The following LGMN variants were observed in gnomAD, a reference collection of about 807,000 sequenced individuals.
LGMN encodes the protein legumain.
Under a neutral mutation model 56.8 loss-of-function variants are expected in LGMN, and 36 were observed. The ratio of observed to expected loss-of-function variants is 0.63; its 90% CI spans 0.49 to 0.84. The LOEUF (loss-of-function observed/expected upper bound fraction) is 0.84. Among genes scored for constraint, LGMN ranks in the 40% least tolerant of loss-of-function variants. The pLI, the probability that LGMN is intolerant of heterozygous loss-of-function variation, is 0.00. For missense variants in LGMN, 446 were observed against 556.1 expected (o/e 0.80, Z 1.99); for synonymous variants, 199 against 210.1 (o/e 0.95, Z 0.46).
intron 1 of LGMN, among the ~76,000 whole-genome samples, chr14:92,739,741 C>T (rs1477501248): frequency 6.6e-6 from 1 of 152,176 alleles, no homozygotes; most frequent in African/African-American, 2.4e-5. Flanking sequence ...GGGCAAACCA[C>T]TGGAAGCAAC....
chr14:92,712,057 G>A (rs1160744833), intron 8 of LGMN, 102 bp from the exon 9 acceptor site: 3 of 894,176 alleles, frequency 3.4e-6, no homozygotes, highest in African/African-American at 3.3e-5. Flanking sequence ...ATCGAAGCAT[G>A]CTACTTATGA....
intron 2 of LGMN, 67 bp downstream of exon 2, chr14:92,732,582 A>G: frequency 6.5e-7 from 1 of 1,546,142 alleles, no homozygotes; most frequent in East Asian, 2.2e-5. Context: ...TTTAATATTA[A>G]CAGTGTCTGG....
chr14:92,716,081 T>C lies in LGMN; in HGVS notation c.404+55A>G, dbSNP rs530530017. Reference sequence around the variant, plus strand: ...CAGAACAACACCTGTTTCAATTCTCTATACGGGGGTCCCAAGCCATTGAGA... The same window carrying C: ...CAGAACAACACCTGTTTCAATTCTCCATACGGGGGTCCCAAGCCATTGAGA... On this transcript the variant is annotated intron_variant, in intron 5 of 13. Transcript: ENST00000334869. 19 of 1,185,800 alleles carry C rather than the reference T, an allele frequency of 1.6e-5. No homozygotes were observed. In the South Asian group the frequency reaches 2.0e-4, roughly 13 times the overall value. The allele number at this position is 1,185,800 out of a possible 1,614,324, so 73.5% of individuals were successfully genotyped here. A position where few individuals can be genotyped will look rare whatever the true frequency, so the allele number is the denominator to read the frequency against.
chr14:92,743,207 TA>T (rs930488467), intron 1 of LGMN, among the ~76,000 whole-genome samples: 1 of 151,842 alleles, frequency 6.6e-6, no homozygotes, highest in Non-Finnish European at 1.5e-5. Context: ...AGAATGGGAT[TA>T]AAACAAAATC....
rs1680190754 is a variant in LGMN at position 92,732,547 on chromosome 14, T to C, written c.138+102A>G. 6.6e-6 allele frequency: 9 copies of C among 1,360,702 alleles called. 1 individual carries two copies. The South Asian group carries it at 1.1e-4, about 16-fold the overall frequency. 84.3% of individuals were successfully genotyped at this position (1,360,702 alleles called of 1,614,324 possible). On this transcript the variant is annotated intron_variant, in intron 2 of 13. Transcript: ENST00000334869. ...TGTTACAGCCAGCCTAACAGGTCCG[T>C]CAATGGCTTTTCAAGTCTTTTCTAT...
intron 2 of LGMN, among the ~76,000 whole-genome samples, chr14:92,727,610 A>T (rs1890805076): frequency 6.6e-6 from 1 of 152,078 alleles, no homozygotes; most frequent in African/African-American, 2.4e-5. Flanking sequence ...TCCCACTGCC[A>T]GCTGATGCTC....
intron 1 of LGMN, among the ~76,000 whole-genome samples, chr14:92,737,612 C>G (rs1891364427): frequency 6.6e-6 from 1 of 152,204 alleles, no homozygotes; most frequent in Non-Finnish European, 1.5e-5. Flanking sequence ...TGCCCACTTT[C>G]TGCTCCAAAA....
intron 3 of LGMN, 70 bp downstream of exon 3, chr14:92,718,677 G>A: frequency 1.0e-6 from 1 of 960,436 alleles, no homozygotes. Context: ...GGATTCCTGT[G>A]AGTCTATGTG....
In LGMN at chr14:92,716,144, G is replaced by A. The variant is rs114036502; in HGVS notation, c.396C>T (p.Val132=). 1.9e-6 allele frequency: 3 copies of A among 1,609,988 alleles called. No homozygotes were observed. The highest frequency in any genetic ancestry group is 2.5e-6 in the Non-Finnish European group (3 of 1,177,180). Residue 132 remains valine (V), a synonymous_variant, in exon 5 of 14, where the codon GTC becomes GTT. Transcript: ENST00000334869. ...CCGTAAACAGACATTACCTCTTCAG[G>A]ACTTTGCCGGATCCTATGCCCTTCA... is the stretch of plus-strand genomic sequence containing the variant. ...EAVKGIGSGK[V]LKSGPQDHVF...
intron 1 of LGMN, among the ~76,000 whole-genome samples, chr14:92,736,923 G>A (rs1891333925): frequency 6.6e-6 from 1 of 152,154 alleles, no homozygotes. Context: ...GAGTCAAGGA[G>A]CAAAAATATC....
chr14:92,703,990 A>G lies in LGMN; in HGVS notation c.*329T>C, dbSNP rs1889285710. ...TCAGCTTCAAATTCTCAGAATAAAGACTCCTTTTGAGAGGGGCTACAGAAG... is the reference window on the plus strand; with the variant it reads ...TCAGCTTCAAATTCTCAGAATAAAGGCTCCTTTTGAGAGGGGCTACAGAAG... On this transcript the variant is annotated 3_prime_UTR_variant, in exon 14 of 14. Coordinates refer to ENST00000334869, the MANE Select transcript of LGMN (RefSeq NM_005606.7). The G allele has an allele frequency of 3.2e-6, 2 of 628,584 alleles. No homozygotes were observed. The highest frequency in any genetic ancestry group is 5.6e-6 in the Non-Finnish European group (2 of 355,800). 38.9% of individuals were successfully genotyped at this position (628,584 alleles called of 1,614,324 possible). A position where few individuals can be genotyped will look rare whatever the true frequency, so the allele number is the denominator to read the frequency against.
At chr14:92,708,265 C>T (rs535022281) in intron 11 of LGMN, among the ~76,000 whole-genome samples, 1 of 151,972 alleles carries the variant, frequency 6.6e-6, no homozygotes, top group South Asian at 2.1e-4. Context: ...ACATAACCCA[C>T]CATGAACAAA....
intron 1 of LGMN, among the ~76,000 whole-genome samples, chr14:92,745,115 T>C (rs974991547): frequency 6.6e-6 from 1 of 152,142 alleles, no homozygotes; most frequent in Admixed American, 6.5e-5. Context: ...CTGGGCAAGA[T>C]AGTGAGACCC....
intron 1 of LGMN, among the ~76,000 whole-genome samples, chr14:92,738,678 AT>A (rs1891413250): frequency 6.6e-6 from 1 of 152,068 alleles, no homozygotes; most frequent in African/African-American, 2.4e-5. Context: ...CTACAACGCT[AT>A]ATTAAAAGCC....
At chr14:92,716,276 T>G in intron 4 of LGMN, 55 bp from the exon 5 acceptor site, 1 of 1,338,922 alleles carries the variant, frequency 7.5e-7, no homozygotes, top group Non-Finnish European at 1.1e-6. Flanking sequence ...ACCCAGAGAG[T>G]TGGCTGAGTC....
chr14:92,716,209 G>A lies in LGMN; in HGVS notation c.331C>T (p.Gln111Ter). ...KDYTGEDVTPQNFLAVLRGDA... is the reference protein window; with the variant it reads ...KDYTGEDVTP ...CCTCTCAACACAGCAAGGAAATTTT[G>A]TGGGGTAACATCCTACAAAGAATTA... The change falls in exon 5 of 14, where the codon CAA becomes TAA. Residue 111 changes from glutamine to a stop codon, truncating the protein, a stop_gained. Transcript: ENST00000334869. LOFTEE classifies it high-confidence loss of function. The A allele has an allele frequency of 6.2e-7, 1 of 1,613,098 alleles. No individual in the cohort carries two copies. Among genetic ancestry groups the A allele is most frequent in the South Asian group, 1.1e-5 (1 of 91,072 alleles).
chr14:92,713,573 G>A (rs771728609), intron 7 of LGMN, among the ~76,000 whole-genome samples: 4 of 152,176 alleles, frequency 2.6e-5, no homozygotes, highest in Non-Finnish European at 5.9e-5. Context: ...CAAATTCTCA[G>A]GCCCCCTCCG....
At chr14:92,747,583 G>A (rs1170427913) in intron 1 of LGMN, among the ~76,000 whole-genome samples, 1 of 152,168 alleles carries the variant, frequency 6.6e-6, no homozygotes, top group Non-Finnish European at 1.5e-5. Context: ...ACAAGTTAGG[G>A]TTAGATGCTG....
intron 8 of LGMN, 29 bp from the exon 9 acceptor site, chr14:92,711,984 T>C: frequency 6.7e-7 from 1 of 1,500,712 alleles, no homozygotes; most frequent in South Asian, 1.1e-5. Context: ...GATCTTTTAG[T>C]TGCATTTTAT....
Sources: gnomAD v4.1 joint callset for allele counts (sites outside exome capture counted in the v4.1 genomes callset) on GRCh38, gnomAD v4.1.1 for gene constraint, MANE v1.5 for transcripts, NCBI Gene and HGNC (gene_info 2026-07-23, HGNC 2026-07-21) for gene names.